Variants in PCDH15 observed in about 807,000 individuals in gnomAD.
The protein encoded by PCDH15 is protocadherin related 15, also known as protocadherin-15.
A neutral mutation model predicts 178.5 loss-of-function variants in PCDH15; 129 were observed. The observed-to-expected ratio is 0.72, with a 90% confidence interval of 0.63 to 0.84. The LOEUF is 0.84. PCDH15 is among the 40% of genes least tolerant of loss of function. The pLI, the probability that PCDH15 is intolerant of heterozygous loss-of-function variation, is 0.00. For missense variants in PCDH15, 2,230 were observed against 2,099.9 expected, an observed-to-expected ratio of 1.06 and a Z score of -1.21; for synonymous variants, 800 against 732.0, an observed-to-expected ratio of 1.09 and a Z score of -1.50.
intron 1 of PCDH15, among the ~76,000 whole-genome samples, chr10:55,308,013 T>G (rs1419584898): frequency 6.6e-6 from 1 of 152,190 alleles, no homozygotes; most frequent in Non-Finnish European, 1.5e-5. Context: ...AGAGTCATAC[T>G]AACATGCATT....
At chr10:53,918,716 AC>A (rs1339879155) in intron 25 of PCDH15, among the ~76,000 whole-genome samples, 31 of 966 alleles carry the variant, frequency 0.032, no homozygotes, top group African/African-American at 0.068. Flanking sequence ...ATACACAAAC[AC>A]ACACACACAC....
chr10:55,041,021 A>G (rs887790748), intron 2 of PCDH15, among the ~76,000 whole-genome samples: 6 of 152,066 alleles, frequency 3.9e-5, no homozygotes, highest in African/African-American at 1.4e-4. Flanking sequence ...CAAGATAAAT[A>G]TTTTCTCATA....
At chr10:54,688,876 A>G (rs2095063540) in intron 1 of PCDH15, among the ~76,000 whole-genome samples, 1 of 152,136 alleles carries the variant, frequency 6.6e-6, no homozygotes, top group Non-Finnish European at 1.5e-5. Context: ...TTACTTGTTC[A>G]TTGTGTATGA....
At chr10:55,193,917 C>T (rs1365438612) in intron 1 of PCDH15, among the ~76,000 whole-genome samples, 3 of 151,880 alleles carry the variant, frequency 2.0e-5, no homozygotes, top group Non-Finnish European at 4.4e-5. Context: ...ATGATAAAGC[C>T]ATAATCCAAT....
intron 16 of PCDH15, among the ~76,000 whole-genome samples, chr10:54,081,538 T>C (rs184750559): frequency 3.8e-4 from 58 of 152,188 alleles, no homozygotes; most frequent in Admixed American, 9.8e-4. Context: ...GTGGTATATT[T>C]GGGCAATGCA....
intron 11 of PCDH15, among the ~76,000 whole-genome samples, chr10:54,189,081 C>T (rs563306355): frequency 6.6e-6 from 1 of 151,938 alleles, no homozygotes; most frequent in Non-Finnish European, 1.5e-5. Context: ...AATAATTAAG[C>T]AGTCTTTGCC....
chr10:54,141,183 T>C (rs1314245275), intron 14 of PCDH15, among the ~76,000 whole-genome samples: 16 of 151,882 alleles, frequency 1.1e-4, no homozygotes, highest in Admixed American at 9.2e-4. Flanking sequence ...CTATGAATAG[T>C]CATTTTGTTT....
chr10:54,966,183 A>C (rs949818816), intron 2 of PCDH15, among the ~76,000 whole-genome samples: 3 of 152,108 alleles, frequency 2.0e-5, no homozygotes, highest in Admixed American at 2.0e-4. Flanking sequence ...CTGGATTACT[A>C]AGTAATTTTT....
In PCDH15 at chr10:54,199,567, C is replaced by CAATAATAATAATAATAAT. The variant is rs1408960891; in HGVS notation, c.1099-3679_1099-3678insATTATTATTATTATTATT. Among the ~76,000 whole-genome samples the CAATAATAATAATAATAAT allele has an allele frequency of 5.5e-4, 49 of 89,582 alleles. No individual in the cohort carries two copies. The South Asian group carries it at 6.4e-3, about 12-fold the overall frequency. The allele number at this position is 89,582 out of a possible 152,430, so 58.8% of individuals were successfully genotyped here. A position where few individuals can be genotyped will look rare whatever the true frequency, so the allele number is the denominator to read the frequency against. ...AAATGTTGAATTTAAACAACAACAA[C>CAATAATAATAATAATAAT]AACAATAATAATAATAATAATAATA... On this transcript the variant is annotated intron_variant, in intron 10 of 37. Transcript: ENST00000644397.
intron 2 of PCDH15, among the ~76,000 whole-genome samples, chr10:54,645,290 C>T (rs2094105122): frequency 6.6e-6 from 1 of 151,588 alleles, no homozygotes; most frequent in South Asian, 2.1e-4. Context: ...AGAGAGATGA[C>T]AAGAGTTTAG....
chr10:55,001,651 C>A (rs141104402), intron 2 of PCDH15, among the ~76,000 whole-genome samples: 8 of 152,120 alleles, frequency 5.3e-5, no homozygotes, highest in African/African-American at 1.9e-4. Flanking sequence ...ACCTCATGCT[C>A]ACTCACTCAC....
At chr10:54,974,964 A>T (rs1839032319) in intron 2 of PCDH15, among the ~76,000 whole-genome samples, 1 of 152,140 alleles carries the variant, frequency 6.6e-6, no homozygotes, top group Admixed American at 6.6e-5. Context: ...TCATAAATAT[A>T]GCAAAGTAAG....
At chr10:54,430,779 A>T (rs1384122157) in intron 3 of PCDH15, among the ~76,000 whole-genome samples, 1 of 152,102 alleles carries the variant, frequency 6.6e-6, no homozygotes, top group Non-Finnish European at 1.5e-5. Context: ...AGCAGAAAAA[A>T]AAATTCCAAT....
chr10:53,904,801 A>G (rs886544141), intron 25 of PCDH15, among the ~76,000 whole-genome samples: 11 of 152,204 alleles, frequency 7.2e-5, no homozygotes, highest in Admixed American at 2.6e-4. Flanking sequence ...AAAAATGCGA[A>G]CAGCTCTAAA....
chr10:54,835,471 A>G (rs1223018666), intron 3 of PCDH15, among the ~76,000 whole-genome samples: 1 of 152,128 alleles, frequency 6.6e-6, no homozygotes, highest in Non-Finnish European at 1.5e-5. Flanking sequence ...ATATCCATAT[A>G]TAATTTCCAT....
At chr10:54,819,170 G>T (rs1229234827) in intron 3 of PCDH15, among the ~76,000 whole-genome samples, 1 of 151,828 alleles carries the variant, frequency 6.6e-6, no homozygotes, top group East Asian at 1.9e-4. Flanking sequence ...CTGAAGACTT[G>T]ATTAGATATA....
intron 1 of PCDH15, among the ~76,000 whole-genome samples, chr10:55,258,192 T>C (rs985967605): frequency 6.6e-6 from 1 of 152,186 alleles, no homozygotes. Flanking sequence ...GACATGAGAA[T>C]TGGAGTATTT....
intron 2 of PCDH15, among the ~76,000 whole-genome samples, chr10:54,914,100 G>A (rs892575924): frequency 6.6e-6 from 1 of 152,144 alleles, no homozygotes; most frequent in Non-Finnish European, 1.5e-5. Flanking sequence ...AATGTGAGAA[G>A]GGTGTGAGAT....
At chr10:54,695,540 A>C (rs1294829274) in intron 1 of PCDH15, among the ~76,000 whole-genome samples, 2 of 152,196 alleles carry the variant, frequency 1.3e-5, no homozygotes, top group African/African-American at 4.8e-5. Flanking sequence ...ACACTGAACA[A>C]GAGATTTTTA....
Sources: allele counts gnomAD v4.1 joint callset (sites outside exome capture counted in the v4.1 genomes callset), GRCh38; gene constraint gnomAD v4.1.1; transcripts MANE v1.5; gene names NCBI Gene and HGNC (gene_info 2026-07-23, HGNC 2026-07-21).